Variants in EVC observed in about 807,000 individuals in gnomAD.
The protein encoded by EVC is evC complex member EVC.
A neutral mutation model predicts 118.9 loss-of-function variants in EVC; 116 were observed. The ratio of observed to expected loss-of-function variants is 0.98; its 90% confidence interval spans 0.84 to 1.14. EVC has a LOEUF of 1.14. Among genes scored for constraint, EVC ranks in the 50% most tolerant of loss-of-function variants. The pLI, the probability that EVC is intolerant of heterozygous loss-of-function variation, is 0.00. For missense variants in EVC, 1,401 were observed against 1,246.4 expected (o/e 1.12, Z -1.87); for synonymous variants, 619 against 534.7 (o/e 1.16, Z -2.18).
At chr4:5,752,793 C>T in intron 8 of EVC, 43 bp from the exon 9 acceptor site, 2 of 1,597,352 alleles carry the variant, frequency 1.3e-6, no homozygotes, top group African/African-American at 1.3e-5. Flanking sequence ...CCTGGTGGTT[C>T]CCAGGACACC....
chr4:5,734,771 A>T (rs1577372729), intron 5 of EVC, among the ~76,000 whole-genome samples: 1 of 152,298 alleles, frequency 6.6e-6, no homozygotes, highest in East Asian at 1.9e-4. Context: ...AACCGTAAAT[A>T]TGCTAGAATT....
At chr4:5,825,629 T>C in the EVC span, 1 of 1,609,960 alleles carries the variant, frequency 6.2e-7, no homozygotes, top group Non-Finnish European at 8.5e-7. The surrounding 1 kb of genome is among the most constrained non-coding windows in gnomAD (Gnocchi z 4.4). Context: ...CCGTCATACA[T>C]GCCCCTGGAA....
At position 5,737,614 on chromosome 4, in the gene EVC, G is replaced by A. The variant is rs1263091553; in HGVS notation, c.703-4102G>A. On this transcript the variant is annotated intron_variant, in intron 5 of 20. Transcript: ENST00000264956. This position sits in a 1 kb window ranked among gnomAD's most constrained non-coding sequence, Gnocchi z 5.0. ...CTCCGAAAGTCCTAGGGCCCTTAAG[G>A]GTGATGCTAAATCTACTCTGCCTGT... is the stretch of plus-strand genomic sequence containing the variant. 6.6e-6 allele frequency among the ~76,000 whole-genome samples: 1 copy of A among 152,150 alleles called. No homozygotes were observed. The highest frequency in any genetic ancestry group is 2.4e-5 in the African/African-American group (1 of 41,422).
rs181155613 is a variant in EVC at position 5,798,224 on chromosome 4, T to C, written c.2098-362T>C. Reference sequence around the variant, plus strand: ...TCTGGCTTCAAACCTGGCTCTGCTGTGTGACTTTAGAAAGTTACTTAACTT... The same window carrying C: ...TCTGGCTTCAAACCTGGCTCTGCTGCGTGACTTTAGAAAGTTACTTAACTT... On this transcript the variant is annotated intron_variant, in intron 14 of 20. Transcript: ENST00000264956. The surrounding 1 kb of genome is among the most constrained non-coding windows in gnomAD (Gnocchi z 4.1). Among the ~76,000 whole-genome samples the C allele has an allele frequency of 8.5e-5, 13 of 152,356 alleles. No individual in the cohort carries two copies. The highest frequency in any genetic ancestry group is 3.4e-3 in the Middle Eastern group (1 of 294).
intron 8 of EVC, 35 bp from the exon 9 acceptor site, chr4:5,752,801 A>G: frequency 6.2e-7 from 1 of 1,606,548 alleles, no homozygotes; most frequent in Non-Finnish European, 8.5e-7. Context: ...TTCCCAGGAC[A>G]CCCCAGCTAT....
At chr4:5,735,382 A>G (rs1422615549) in intron 5 of EVC, among the ~76,000 whole-genome samples, 6 of 152,158 alleles carry the variant, frequency 3.9e-5, no homozygotes, top group Admixed American at 3.9e-4. Flanking sequence ...CCCTTTGACA[A>G]TTAGGAGCTG....
chr4:5,804,722 T>G lies in EVC; in HGVS notation c.2450-8T>G, dbSNP rs1715583083. 1.9e-6 allele frequency: 3 copies of G among 1,613,222 alleles called. No homozygotes were observed. The highest frequency in any genetic ancestry group is 2.5e-6 in the Non-Finnish European group (3 of 1,179,210). ...GACCCCTTGATTGTCCTGTGTTAAA[T>G]GGTCTAGGTGAGAGGATGGAAAATT... On this transcript the variant is annotated splice_region_variant and splice_polypyrimidine_tract_variant and intron_variant, in intron 16 of 20. Transcript: ENST00000264956.
chr4:5,815,608 AAGAG>A (rs1012757921), downstream of EVC, among the ~76,000 whole-genome samples: 3 of 152,172 alleles, frequency 2.0e-5, no homozygotes, highest in South Asian at 2.1e-4. Flanking sequence ...AGAAGAATAA[AAGAG>A]AGAGGGAGAG....
chr4:5,744,293 C>T (rs571730710), intron 6 of EVC, among the ~76,000 whole-genome samples: 4 of 152,202 alleles, frequency 2.6e-5, no homozygotes, highest in African/African-American at 7.2e-5. Flanking sequence ...ACAGAGATGC[C>T]GTGAGGATTA....
chr4:5,801,797 G>T (rs544992100), intron 15 of EVC, 153 bp from the exon 16 acceptor site: 172 of 765,040 alleles, frequency 2.2e-4, no homozygotes, highest in Middle Eastern at 1.8e-3. Flanking sequence ...GTTTAAACCA[G>T]CCATGCACTC....
At position 5,719,675 on chromosome 4, in the gene EVC, T is replaced by C. The variant is rs981957671; in HGVS notation, c.300+302T>C. Among the ~76,000 whole-genome samples, 3 of 152,194 alleles carry C rather than the reference T, an allele frequency of 2.0e-5. No individual in the cohort carries two copies. Among genetic ancestry groups the C allele is most frequent in the Non-Finnish European group, 4.4e-5 (3 of 68,038 alleles). The stretch of plus-strand genomic sequence containing the variant: ...CCCCACACACTTCCAGAGGTGCCCA[T>C]GCGTGGGATTTCCATTGATTGGTTC... On this transcript the variant is annotated intron_variant, in intron 2 of 20. Coordinates refer to ENST00000264956, the MANE Select transcript of EVC (RefSeq NM_153717.3). The surrounding 1 kb of genome is among the most constrained non-coding windows in gnomAD (Gnocchi z 4.7).
chr4:5,824,884 C>T, the EVC span: 1 of 985,394 alleles, frequency 1.0e-6, no homozygotes, highest in Non-Finnish European at 1.2e-6. Context: ...ATACACTGCC[C>T]TGAGACCTTA....
At position 5,798,985 on chromosome 4, in the gene EVC, G is replaced by A. The variant is rs979560662; in HGVS notation, c.2304+193G>A. ...CCTCGCAGAATGGGGAGGGGCAGTC[G>A]CAGCAGATCACCGGTTCTCCCCCTG... On this transcript the variant is annotated intron_variant, in intron 15 of 20. Transcript: ENST00000264956. The surrounding 1 kb of genome is among the most constrained non-coding windows in gnomAD (Gnocchi z 4.1). 2.6e-5 allele frequency among the ~76,000 whole-genome samples: 4 copies of A among 152,106 alleles called. No individual in the cohort carries two copies. Among genetic ancestry groups the A allele is most frequent in the Admixed American group, 6.5e-5 (1 of 15,278 alleles).
intron 8 of EVC, among the ~76,000 whole-genome samples, chr4:5,748,794 ATCCATCCATCCG>A (rs1440886819): frequency 2.4e-4 from 15 of 63,326 alleles, no homozygotes; most frequent in East Asian, 5.7e-4. Flanking sequence ...CCATCCATCC[ATCCATCCATCCG>A]TCTATCCAAT....
chr4:5,736,249 A>T (rs781165750), intron 5 of EVC, among the ~76,000 whole-genome samples: 6 of 152,164 alleles, frequency 3.9e-5, no homozygotes, highest in Middle Eastern at 6.8e-3. Context: ...CACTTACGTG[A>T]ATCTATACAT....
chr4:5,712,746 C>G (rs749514488), intron 1 of EVC, among the ~76,000 whole-genome samples: 4 of 152,106 alleles, frequency 2.6e-5, no homozygotes, highest in Non-Finnish European at 4.4e-5. Context: ...GCAAGATGCT[C>G]GTAGGTGAGT....
intron 11 of EVC, among the ~76,000 whole-genome samples, chr4:5,757,516 T>C (rs898916758): frequency 2.0e-5 from 3 of 152,226 alleles, no homozygotes; most frequent in Admixed American, 1.3e-4. Flanking sequence ...TCTCTCAAGG[T>C]TCTGGAGGCT....
At chr4:5,720,768 T>A (rs1724818339) in intron 2 of EVC, among the ~76,000 whole-genome samples, 1 of 152,202 alleles carries the variant, frequency 6.6e-6, no homozygotes. Context: ...GAGATGAGTC[T>A]GGAACAAGCA....
At chr4:5,723,335 A>G (rs1307273640) in intron 2 of EVC, among the ~76,000 whole-genome samples, 2 of 151,856 alleles carry the variant, frequency 1.3e-5, no homozygotes, top group African/African-American at 4.8e-5. Flanking sequence ...GATTACAGGC[A>G]TGCGCCACCA....
Sources: allele counts gnomAD v4.1 joint callset (sites outside exome capture counted in the v4.1 genomes callset), GRCh38; gene constraint gnomAD v4.1.1; non-coding constraint Gnocchi (gnomAD v3.1); transcripts MANE v1.5; gene names NCBI Gene and HGNC (gene_info 2026-07-23, HGNC 2026-07-21).